Variants in FAT2 observed in about 807,000 individuals in gnomAD.
FAT2 encodes the protein protocadherin Fat 2.
A neutral mutation model predicts 295.3 loss-of-function variants in FAT2; 150 were observed. That is an observed-to-expected ratio of 0.51 (90% CI 0.44 to 0.58). FAT2 has a LOEUF of 0.58. Among genes scored for constraint, FAT2 ranks in the 20% least tolerant of loss-of-function variants. The pLI is 0.00. For missense variants in FAT2, 4,868 were observed against 5,442.7 expected (o/e 0.89, Z 3.32); for synonymous variants, 2,026 against 2,150.3 (o/e 0.94, Z 1.60).
Position 151,568,780 on chromosome 5 carries a change from T to C in FAT2, c.152A>G (p.Tyr51Cys), listed in dbSNP as rs1758403109. ...TIYENSSPKT[Y>C]VESFEKMGIY... Reference sequence around the variant, plus strand: ...GCCCATTTTCTCGAAGCTCTCCACATAGGTCTTGGGAGAAGAATTTTCATA... The same window carrying C: ...GCCCATTTTCTCGAAGCTCTCCACACAGGTCTTGGGAGAAGAATTTTCATA... Residue 51 changes from tyrosine to cysteine, a missense_variant, in exon 2 of 24, where the codon TAT becomes TGT. Physicochemically the swap from Tyr to Cys is radical, Grantham distance 194. Around this residue, in one of 5 missense-constraint regions of FAT2, gnomAD observed 3,297 missense variants for 3,669.4 expected, o/e 0.90. Coordinates refer to ENST00000261800, the MANE Select transcript of FAT2 (RefSeq NM_001447.3). The C allele has an allele frequency of 6.2e-7, 1 of 1,614,124 alleles. No individual in the cohort carries two copies. The highest frequency in any genetic ancestry group is 2.2e-5 in the East Asian group (1 of 44,886).
At chr5:151,525,063 C>A (rs1160193422) in intron 18 of FAT2, among the ~76,000 whole-genome samples, 2 of 152,244 alleles carry the variant, frequency 1.3e-5, no homozygotes, top group African/African-American at 4.8e-5. Flanking sequence ...TTCCTAGCAG[C>A]TTGCAAATGG....
At chr5:151,526,983 A>C (rs1754074572) in intron 17 of FAT2, among the ~76,000 whole-genome samples, 1 of 152,244 alleles carries the variant, frequency 6.6e-6, no homozygotes, top group African/African-American at 2.4e-5. Context: ...CTAAATCTGT[A>C]AAATGGGTAC....
At position 151,512,118 on chromosome 5, in the gene FAT2, G is replaced by A. The variant is rs577827345; in HGVS notation, c.11905+47C>T. 3.8e-6 allele frequency: 6 copies of A among 1,561,098 alleles called. No homozygotes were observed. In the African/African-American group the frequency reaches 5.4e-5, roughly 14 times the overall value. ...CTGACATGCTTTTCCCACCTGAAGAGCCTTCTGGGATAAACCCTGGGTTCA... is the reference window on the plus strand; with the variant it reads ...CTGACATGCTTTTCCCACCTGAAGAACCTTCTGGGATAAACCCTGGGTTCA... On this transcript the variant is annotated intron_variant, in intron 21 of 23. Transcript: ENST00000261800. The surrounding 1 kb of genome is among the most constrained non-coding windows in gnomAD (Gnocchi z 4.1).
chr5:151,558,127 A>T (rs1459244945), intron 3 of FAT2, among the ~76,000 whole-genome samples: 2 of 152,242 alleles, frequency 1.3e-5, no homozygotes, highest in African/African-American at 4.8e-5. Flanking sequence ...ATTCTAAGGA[A>T]ATCAGTGCAT....
rs773334379 is a variant in FAT2 at position 151,521,367 on chromosome 5, A to T, written c.11226T>A (p.His3742Gln). ...CQGQICHNTV[H>Q]LDPKVGPTYS... ...ACGTGGGCCCAACCTTGGGGTCCAGATGCACTGTGTTATGGCAGATTTGAC... is the reference window on the plus strand; with the variant it reads ...ACGTGGGCCCAACCTTGGGGTCCAGTTGCACTGTGTTATGGCAGATTTGAC... Residue 3742 changes from histidine to glutamine, a missense_variant, in exon 19 of 24, where the codon CAT (histidine) becomes CAA (glutamine). By Grantham distance (24) the His-to-Gln change is conservative. Coordinates refer to ENST00000261800, the MANE Select transcript of FAT2 (RefSeq NM_001447.3). The T allele has an allele frequency of 6.2e-7, 1 of 1,614,192 alleles. No homozygotes were observed. The highest frequency in any genetic ancestry group is 1.1e-5 in the South Asian group (1 of 91,082).
intron 1 of FAT2, among the ~76,000 whole-genome samples, chr5:151,585,914 A>G (rs1179769451): frequency 2.6e-5 from 4 of 152,188 alleles, no homozygotes; most frequent in African/African-American, 9.7e-5. Context: ...TCTGTGTGAT[A>G]GGTAGCATTA....
At chr5:151,579,544 C>T (rs1226796051) in intron 1 of FAT2, among the ~76,000 whole-genome samples, 1 of 152,100 alleles carries the variant, frequency 6.6e-6, no homozygotes, top group Non-Finnish European at 1.5e-5. Flanking sequence ...TGCACTCCAG[C>T]CTGGGTTACA....
intron 21 of FAT2, 159 bp from the exon 22 acceptor site, chr5:151,510,333 G>T: frequency 2.6e-6 from 2 of 763,176 alleles, no homozygotes; most frequent in Non-Finnish European, 4.1e-6. Context: ...TTGGTGCCCT[G>T]CTGAACCAAG....
At position 151,568,472 on chromosome 5, in the gene FAT2, T is replaced by C; in HGVS notation, c.460A>G (p.Arg154Gly). 6.2e-7 allele frequency: 1 copy of C among 1,614,166 alleles called. No homozygotes were observed. The highest frequency in any genetic ancestry group is 1.6e-4 in the Middle Eastern group (1 of 6,062). The change falls in exon 2 of 24, where the codon AGA becomes GGA. Residue 154 changes from arginine to glycine, a missense_variant. By Grantham distance (125) the Arg-to-Gly change is moderately radical. Coordinates refer to ENST00000261800, the MANE Select transcript of FAT2 (RefSeq NM_001447.3). ...LKPLFSPPSY[R>G]VTISEDMPLK... ...GGCATGTCCTCAGAGATGGTGACTC[T>C]GTACGAAGGTGGAGAGAAGAGAGGC...
At chr5:151,572,070 T>C (rs778245033) in intron 1 of FAT2, among the ~76,000 whole-genome samples, 4 of 152,220 alleles carry the variant, frequency 2.6e-5, no homozygotes, top group African/African-American at 4.8e-5. Context: ...CCTGAGCTCC[T>C]GTTTGGAGTA....
Position 151,531,782 on chromosome 5 carries a change from CTG to C in FAT2, c.9614_9615del (p.Thr3205SerfsTer77), listed in dbSNP as rs1272830405. 1.2e-6 allele frequency: 2 copies of C among 1,612,718 alleles called. No homozygotes were observed. The highest frequency in any genetic ancestry group is 1.7e-5 in the Admixed American group (1 of 60,030). On this transcript the variant is annotated frameshift_variant, in exon 14 of 24. Transcript: ENST00000261800. LOFTEE classifies it high-confidence loss of function. The surrounding 1 kb of genome is among the most constrained non-coding windows in gnomAD (Gnocchi z 5.7). ...TAGTCTTCTAGGCCCACCACCGAGACTGTGACGGTGCCCAGCGTGGACAGCGG... is the reference window on the plus strand; with the variant it reads ...TAGTCTTCTAGGCCCACCACCGAGACTGACGGTGCCCAGCGTGGACAGCGG... ...PIPLSTLGTV[T>X]VSVVGLEDYL...
chr5:151,521,334 G>A lies in FAT2; in HGVS notation c.11259C>T (p.Thr3753=), dbSNP rs535120660. The A allele has an allele frequency of 4.3e-5, 69 of 1,613,934 alleles. No homozygotes were observed. In the East Asian group the frequency reaches 1.1e-3, roughly 25 times the overall value. Residue 3753 remains threonine (T), a synonymous_variant, in exon 19 of 24, where the codon ACC becomes ACT. Coordinates refer to ENST00000261800, the MANE Select transcript of FAT2 (RefSeq NM_001447.3). ...LDPKVGPTYS[T]ARLSILTPRH... is the part of the protein sequence containing the mutation. ...GCGGGGTTAGGATGCTGAGCCTGGC[G>A]GTGCTGTACGTGGGCCCAACCTTGG...
At chr5:151,533,392 C>T (rs897670911) in intron 13 of FAT2, among the ~76,000 whole-genome samples, 1 of 116,500 alleles carries the variant, frequency 8.6e-6, no homozygotes, top group Non-Finnish European at 1.7e-5. Flanking sequence ...TTGTTATCTC[C>T]AACACACACA....
chr5:151,577,019 A>G (rs948792143), intron 1 of FAT2, among the ~76,000 whole-genome samples: 2 of 152,240 alleles, frequency 1.3e-5, no homozygotes, highest in Admixed American at 1.3e-4. Flanking sequence ...AAAGTATGGT[A>G]TTATAATTTT....
chr5:151,545,736 A>T lies in FAT2; in HGVS notation c.5391T>A (p.Asn1797Lys). 1 of 1,614,080 alleles carries T rather than the reference A, an allele frequency of 6.2e-7. No homozygotes were observed. Among genetic ancestry groups the T allele is most frequent in the Non-Finnish European group, 8.5e-7 (1 of 1,180,022 alleles). The change falls in exon 10 of 24, where the codon AAT becomes AAA. Residue 1797 changes from asparagine (N) to lysine (K), a missense_variant. This residue lies in a region of FAT2 where 3,297 missense variants were observed against 3,669.4 expected (regional missense o/e 0.90). Coordinates refer to ENST00000261800, the MANE Select transcript of FAT2 (RefSeq NM_001447.3). The part of the protein sequence containing the change: ...IHASDSDKEA[N>K]SLLVYKILEP... ...CCAAAATTTTATAGACCAACAAGGA[A>T]TTAGCTTCTTTGTCACTGTCAGAGG... is the stretch of plus-strand genomic sequence containing the variant.
intron 23 of FAT2, 83 bp downstream of exon 23, chr5:151,507,071 C>G: frequency 7.9e-6 from 10 of 1,261,476 alleles, no homozygotes; most frequent in Non-Finnish European, 1.1e-5. Context: ...GCTAAAAATG[C>G]CTGTGCCTCA....
At chr5:151,535,390 GC>G (rs1016607801) in intron 12 of FAT2, among the ~76,000 whole-genome samples, 1 of 151,930 alleles carries the variant, frequency 6.6e-6, no homozygotes, top group Non-Finnish European at 1.5e-5. Context: ...AGAGTCTCCT[GC>G]CTTATACCCT....
chr5:151,567,088 A>T lies in FAT2; in HGVS notation c.1844T>A (p.Phe615Tyr). 6.2e-7 allele frequency: 1 copy of T among 1,614,078 alleles called. No homozygotes were observed. ...GCGTTTGAGGGATATCACTCCGGAGAAATGATTTAGATCAAAATACTCTAG... is the reference window on the plus strand; with the variant it reads ...GCGTTTGAGGGATATCACTCCGGAGTAATGATTTAGATCAAAATACTCTAG... ...NELEYFDLNH[F>Y]SGVISLKRPF... Residue 615 changes from phenylalanine (F) to tyrosine (Y), a missense_variant, in exon 2 of 24, where the codon TTC becomes TAC. By Grantham distance (22) the Phe-to-Tyr change is conservative (BLOSUM62 3). Coordinates refer to ENST00000261800, the MANE Select transcript of FAT2 (RefSeq NM_001447.3).
chr5:151,553,312 G>A lies in FAT2; in HGVS notation c.4021C>T (p.Arg1341Trp), dbSNP rs201873893. Residue 1341 changes from arginine (R) to tryptophan (W), a missense_variant, in exon 6 of 24, where the codon CGG (arginine) becomes TGG (tryptophan). Transcript: ENST00000261800. ...RLHIEWIPWP[R>W]PSSIPLAFDE... is the part of the protein sequence containing the mutation. ...AAGGCCAGAGGGATGGAGGACGGCCGGGGCCAAGGGATCCACTCAATGTGT... is the reference window on the plus strand; with the variant it reads ...AAGGCCAGAGGGATGGAGGACGGCCAGGGCCAAGGGATCCACTCAATGTGT... The A allele has an allele frequency of 1.6e-5, 26 of 1,614,254 alleles. No homozygotes were observed. Among genetic ancestry groups the A allele is most frequent in the African/African-American group, 9.3e-5 (7 of 75,078 alleles).
Sources: gnomAD v4.1 joint callset for allele counts (sites outside exome capture counted in the v4.1 genomes callset) on GRCh38, gnomAD v4.1.1 for gene constraint, gnomAD v4.1.1 regional missense constraint, Gnocchi (gnomAD v3.1) non-coding constraint, MANE v1.5 for transcripts, NCBI Gene and HGNC (gene_info 2026-07-23, HGNC 2026-07-21) for gene names.